SYT1: variants seen among roughly 807,000 people sequenced by gnomAD.
SYT1 encodes the protein synaptotagmin-1.
SYT1 carries 8 observed loss-of-function variants against 44.8 expected under a neutral mutation model. The observed-to-expected ratio is 0.18, with a 90% confidence interval of 0.10 to 0.32. The LOEUF is 0.32. Ranked by LOEUF, SYT1 falls within the 10% of genes least tolerant of loss-of-function variation. The pLI is 1.00. For synonymous variants in SYT1, 154 were observed against 188.8 expected (o/e 0.82, Z 1.51); for missense variants, 286 against 509.3 (o/e 0.56, Z 4.22).
chr12:79,022,213 A>G (rs772757940), intron 2 of SYT1, among the ~76,000 whole-genome samples: 7 of 151,796 alleles, frequency 4.6e-5, no homozygotes, highest in Admixed American at 1.3e-4. Context: ...CATTATCTCA[A>G]TTTCCCAAAC....
At chr12:79,019,717 C>A (rs1405809398) in intron 2 of SYT1, among the ~76,000 whole-genome samples, 1 of 151,874 alleles carries the variant, frequency 6.6e-6, no homozygotes, top group South Asian at 2.1e-4. Flanking sequence ...TTTTACTAAA[C>A]TCCTTTCATG....
intron 3 of SYT1, among the ~76,000 whole-genome samples, chr12:79,149,742 G>A (rs1870147984): frequency 6.6e-6 from 1 of 152,152 alleles, no homozygotes; most frequent in African/African-American, 2.4e-5. Context: ...GTGATAGACT[G>A]CCTTAGCACA....
chr12:78,947,294 A>G (rs1878710753), intron 1 of SYT1, among the ~76,000 whole-genome samples: 1 of 152,156 alleles, frequency 6.6e-6, no homozygotes, highest in African/African-American at 2.4e-5. Flanking sequence ...GTATTTTTAC[A>G]TTGAAAATTT....
At chr12:78,864,368 A>T (rs1230287905), upstream of SYT1, 1 of 152,136 alleles carries the variant, frequency 6.6e-6, no homozygotes. Context: ...AAAAAAAAAA[A>T]AAAAGCTTTG....
At chr12:79,053,251 G>A (rs182884091) in intron 3 of SYT1, among the ~76,000 whole-genome samples, 7 of 152,082 alleles carry the variant, frequency 4.6e-5, no homozygotes, top group Admixed American at 2.6e-4. Context: ...GCAAACTATC[G>A]CAAGGATAAA....
At chr12:79,274,037 T>A (rs918021186) in intron 4 of SYT1, among the ~76,000 whole-genome samples, 8 of 152,174 alleles carry the variant, frequency 5.3e-5, no homozygotes, top group African/African-American at 2.4e-5. Flanking sequence ...TGAGCCGAGA[T>A]GGTGCCACTG....
intron 8 of SYT1, among the ~76,000 whole-genome samples, chr12:79,349,037 G>GAAAGAAAGAAAGAAAGAAAGAAGAAAGAA (rs1882757945): frequency 1.0e-5 from 1 of 96,584 alleles, no homozygotes; most frequent in South Asian, 4.3e-4. Context: ...GAAAGAAAAA[G>GAAAGAAAGAAAGAAAGAAAGAAGAAAGAA]AAAGAAAGAA....
At chr12:78,884,444 A>G (rs528622057) in intron 1 of SYT1, among the ~76,000 whole-genome samples, 31 of 147,662 alleles carry the variant, frequency 2.1e-4, no homozygotes, top group African/African-American at 7.6e-4. Flanking sequence ...TTGTGATGAC[A>G]GTAACAATGA....
chr12:79,119,634 G>A (rs1168120170), intron 3 of SYT1, among the ~76,000 whole-genome samples: 3 of 152,018 alleles, frequency 2.0e-5, no homozygotes, highest in Non-Finnish European at 4.4e-5. Context: ...AAATTTGTAA[G>A]GGTCTTATAT....
intron 9 of SYT1, among the ~76,000 whole-genome samples, chr12:79,442,210 C>T (rs755293440): frequency 6.6e-5 from 10 of 152,102 alleles, no homozygotes; most frequent in Non-Finnish European, 1.3e-4. Flanking sequence ...GAACAACTGG[C>T]GACATGACTA....
intron 1 of SYT1, among the ~76,000 whole-genome samples, chr12:78,957,394 T>A (rs1484530742): frequency 6.6e-6 from 1 of 152,180 alleles, no homozygotes; most frequent in Non-Finnish European, 1.5e-5. Context: ...TCTAAGTATT[T>A]TAAAGAAAAC....
intron 1 of SYT1, among the ~76,000 whole-genome samples, chr12:78,919,173 AGTCT>A (rs574272473): frequency 3.4e-4 from 51 of 152,190 alleles, no homozygotes; most frequent in African/African-American, 1.2e-3. Flanking sequence ...TTGTAATGAA[AGTCT>A]GTGTAATTAA....
At chr12:79,427,608 T>C (rs545043769) in intron 9 of SYT1, among the ~76,000 whole-genome samples, 21 of 152,282 alleles carry the variant, frequency 1.4e-4, no homozygotes, top group African/African-American at 5.1e-4. Flanking sequence ...TTTATAAGAA[T>C]TATGAAAGTA....
At chr12:79,335,746 A>G (rs975609769) in intron 8 of SYT1, among the ~76,000 whole-genome samples, 1 of 152,140 alleles carries the variant, frequency 6.6e-6, no homozygotes, top group Non-Finnish European at 1.5e-5. Context: ...CCTTTTCCTT[A>G]TCTGAGACTT....
intron 4 of SYT1, among the ~76,000 whole-genome samples, chr12:79,264,549 ATTG>A (rs539052960): frequency 9.5e-4 from 145 of 152,344 alleles, no homozygotes; most frequent in African/African-American, 3.4e-3. Context: ...CCAAAAGTCT[ATTG>A]TTGTTGATGC....
chr12:78,917,193 C>T (rs1876704748), intron 1 of SYT1, among the ~76,000 whole-genome samples: 1 of 151,980 alleles, frequency 6.6e-6, no homozygotes, highest in African/African-American at 2.4e-5. Flanking sequence ...TCCCTTGTGG[C>T]TACACAGAAC....
At chr12:79,142,117 A>C (rs1869593717) in intron 3 of SYT1, among the ~76,000 whole-genome samples, 1 of 152,340 alleles carries the variant, frequency 6.6e-6, no homozygotes, top group African/African-American at 2.4e-5. Flanking sequence ...GCATATCTCA[A>C]GAAAGCTCCT....
chr12:79,323,514 AC>A (rs1565908497), intron 8 of SYT1, among the ~76,000 whole-genome samples: 1 of 152,238 alleles, frequency 6.6e-6, no homozygotes, highest in Non-Finnish European at 1.5e-5. Context: ...AATGAAGTTT[AC>A]TTAACACCGA....
intron 9 of SYT1, among the ~76,000 whole-genome samples, chr12:79,435,242 A>T (rs1230160021): frequency 6.6e-6 from 1 of 152,182 alleles, no homozygotes; most frequent in African/African-American, 2.4e-5. Context: ...TTTATGTTAG[A>T]TAGGGAACAG....
Sources: allele counts gnomAD v4.1 joint callset (sites outside exome capture counted in the v4.1 genomes callset), GRCh38; gene constraint gnomAD v4.1.1; transcripts MANE v1.5; gene names NCBI Gene and HGNC (gene_info 2026-07-23, HGNC 2026-07-21).